SEM1: variants seen among roughly 807,000 people sequenced by gnomAD.
The protein encoded by SEM1 is SEM1 26S proteasome subunit, also known as 26S proteasome complex subunit SEM1.
Under a neutral mutation model 12.7 loss-of-function variants are expected in SEM1, and 3 were observed. That is an observed-to-expected ratio of 0.24 (90% CI 0.11 to 0.61). SEM1 has a LOEUF of 0.61. Ranked by LOEUF, SEM1 falls within the 20% of genes least tolerant of loss-of-function variation. The pLI is 0.88. For synonymous variants in SEM1, 30 were observed against 27.8 expected (o/e 1.08, Z -0.25); for missense variants, 59 against 81.3 (o/e 0.73, Z 1.06).
At chr7:96,582,250 T>C (rs1161493134) in intron 2 of SEM1, among the ~76,000 whole-genome samples, 83 of 148,490 alleles carry the variant, frequency 5.6e-4, no homozygotes, top group African/African-American at 1.1e-3. Flanking sequence ...TTGTCTTTGG[T>C]TCTGTTTATA....
intron 2 of SEM1, among the ~76,000 whole-genome samples, chr7:96,594,801 G>A (rs553035196): frequency 6.6e-6 from 1 of 151,904 alleles, no homozygotes; most frequent in East Asian, 1.9e-4. Flanking sequence ...AGAAAATTCA[G>A]AAAAAATAAT....
At chr7:96,646,070 A>G (rs1808783204) in intron 2 of SEM1, 1 of 394,590 alleles carries the variant, frequency 2.5e-6, no homozygotes, top group Non-Finnish European at 4.5e-6. Flanking sequence ...TATTCCTTTG[A>G]GAGTACCTCT....
chr7:96,634,773 G>A (rs1024443730), intron 2 of SEM1, among the ~76,000 whole-genome samples: 2 of 151,888 alleles, frequency 1.3e-5, no homozygotes, highest in Admixed American at 6.6e-5. Flanking sequence ...GTCAAGAAAC[G>A]GAAAGAAGTA....
At chr7:96,625,198 C>T (rs1808022844) in intron 2 of SEM1, among the ~76,000 whole-genome samples, 1 of 152,132 alleles carries the variant, frequency 6.6e-6, no homozygotes, top group Non-Finnish European at 1.5e-5. Context: ...GCCTCCTTCT[C>T]CTCCCACACC....
At chr7:96,634,329 TTTAC>T (rs1317544579) in intron 2 of SEM1, among the ~76,000 whole-genome samples, 2 of 152,070 alleles carry the variant, frequency 1.3e-5, no homozygotes, top group Admixed American at 1.3e-4. Flanking sequence ...GTTTTACTTG[TTTAC>T]TTGTTTGATG....
At chr7:96,584,975 GT>G (rs1361293588) in intron 2 of SEM1, among the ~76,000 whole-genome samples, 1 of 151,554 alleles carries the variant, frequency 6.6e-6, no homozygotes, top group African/African-American at 2.4e-5. Context: ...GCTCGTCAAA[GT>G]CATTCTCCAT....
intron 2 of SEM1, among the ~76,000 whole-genome samples, chr7:96,507,088 A>C (rs2117285367): frequency 6.6e-6 from 1 of 152,156 alleles, no homozygotes; most frequent in African/African-American, 2.4e-5. Flanking sequence ...ACAACAGAAA[A>C]AGTATGAAAG....
chr7:96,514,001 T>C (rs1437888572), intron 2 of SEM1, among the ~76,000 whole-genome samples: 1 of 152,130 alleles, frequency 6.6e-6, no homozygotes, highest in East Asian at 1.9e-4. Context: ...TTCATTATAA[T>C]GGCTACACAG....
intron 2 of SEM1, among the ~76,000 whole-genome samples, chr7:96,532,803 C>G (rs1314472984): frequency 6.6e-6 from 1 of 152,012 alleles, no homozygotes. Flanking sequence ...CCTGAAAACC[C>G]GACTTTTTAA....
intron 2 of SEM1, among the ~76,000 whole-genome samples, chr7:96,545,379 G>A (rs77935746): frequency 0.093 from 14,126 of 151,934 alleles, 671 homozygotes; most frequent in South Asian, 0.14. Context: ...TGCTCAGAAC[G>A]CCAAAGGAAT....
At chr7:96,587,044 T>C (rs917253385) in intron 2 of SEM1, among the ~76,000 whole-genome samples, 1 of 151,910 alleles carries the variant, frequency 6.6e-6, no homozygotes. Flanking sequence ...GTCCACAGCT[T>C]CATCCACTCA....
chr7:96,490,574 G>A (rs746813088), intron 1 of SEM1, among the ~76,000 whole-genome samples: 8 of 152,156 alleles, frequency 5.3e-5, no homozygotes, highest in Non-Finnish European at 1.2e-4. Flanking sequence ...GACCACAGGG[G>A]TGTCTCTTTA....
In SEM1 at chr7:96,603,883, T is replaced by C. The variant is rs537850082; in HGVS notation, c.170+90915A>G. 2.6e-4 allele frequency among the ~76,000 whole-genome samples: 7 copies of C among 27,198 alleles called. No individual in the cohort carries two copies. The East Asian group carries it at 0.011, about 43-fold the overall frequency. The allele number at this position is 27,198 out of a possible 152,430, so 17.8% of individuals were successfully genotyped here. A position where few individuals can be genotyped will look rare whatever the true frequency, so the allele number is the denominator to read the frequency against. ...TTAATGAACATTGAAAGTTACAGGA[T>C]AGTTTTTTTTTTTTTAATATGGAGA... On this transcript the variant is annotated intron_variant and NMD_transcript_variant, in intron 2 of 3. Coordinates refer to the SEM1 transcript ENST00000466986.
At chr7:96,665,209 T>G (rs1242703331) in intron 2 of SEM1, among the ~76,000 whole-genome samples, 2 of 152,148 alleles carry the variant, frequency 1.3e-5, no homozygotes, top group African/African-American at 4.8e-5. Flanking sequence ...GCTCTCTGGT[T>G]GGACATCCCT....
rs577210269 is a variant in SEM1, at chr7:96,662,593, G to A, written c.170+32205C>T. Among the ~76,000 whole-genome samples the A allele has an allele frequency of 2.4e-4, 36 of 152,234 alleles. 1 individual carries two copies. In the South Asian group the frequency reaches 7.5e-3, roughly 32 times the overall value. ...ATGCGGGTCTTAAAACCTAGATGAC[G>A]GGTTGATAGGTGCAGCAAACCACCA... On this transcript the variant is annotated intron_variant, in intron 2 of 2. Transcript: ENST00000417009.
At chr7:96,678,146 T>C (rs1789505497) in intron 2 of SEM1, among the ~76,000 whole-genome samples, 1 of 152,130 alleles carries the variant, frequency 6.6e-6, no homozygotes, top group Admixed American at 6.6e-5. Flanking sequence ...ATATTCAAAA[T>C]TGGTGAAATA....
At chr7:96,654,036 A>G (rs1444844448) in intron 2 of SEM1, among the ~76,000 whole-genome samples, 3 of 152,224 alleles carry the variant, frequency 2.0e-5, no homozygotes, top group Non-Finnish European at 2.9e-5. Context: ...AGCTGAACAG[A>G]GAAGAGTATG....
chr7:96,555,251 C>T (rs184303325), intron 2 of SEM1, among the ~76,000 whole-genome samples: 24 of 152,004 alleles, frequency 1.6e-4, no homozygotes, highest in East Asian at 5.9e-4. Context: ...ATGTGTTTGC[C>T]CTTGCTTTTC....
At chr7:96,585,665 C>G (rs945513516) in intron 2 of SEM1, among the ~76,000 whole-genome samples, 1 of 152,234 alleles carries the variant, frequency 6.6e-6, no homozygotes, top group African/African-American at 2.4e-5. Flanking sequence ...GATATAATCT[C>G]CTGATGCGCT....
Sources: allele counts gnomAD v4.1 joint callset (sites outside exome capture counted in the v4.1 genomes callset), GRCh38; gene constraint gnomAD v4.1.1; transcripts MANE v1.5; gene names NCBI Gene and HGNC (gene_info 2026-07-23, HGNC 2026-07-21).